The following GRSF1 variants were observed in gnomAD, a reference collection of about 807,000 sequenced individuals.
GRSF1 encodes the protein G-rich RNA sequence binding factor 1.
Under a neutral mutation model 51.1 loss-of-function variants are expected in GRSF1, and 50 were observed. The observed-to-expected ratio is 0.98, with a 90% CI of 0.78 to 1.24. GRSF1 has a LOEUF of 1.24. Ranked by LOEUF, GRSF1 falls within the 50% of genes most tolerant of loss-of-function variation. The probability of loss-of-function intolerance (pLI) is 0.00; values close to 1 mark genes in which losing one functional copy is unlikely to be tolerated. For missense variants in GRSF1, 700 were observed against 639.7 expected (o/e 1.09, Z -1.02); for synonymous variants, 293 against 253.3 (o/e 1.16, Z -1.49).
intron 5 of GRSF1, among the ~76,000 whole-genome samples, chr4:70,829,500 A>G (rs1018007478): frequency 6.6e-6 from 1 of 152,096 alleles, no homozygotes; most frequent in Non-Finnish European, 1.5e-5. Context: ...ACAAAAATAC[A>G]AAAATTAGCT....
intron 5 of GRSF1, among the ~76,000 whole-genome samples, chr4:70,829,304 G>T (rs985203549): frequency 6.6e-6 from 1 of 151,442 alleles, no homozygotes; most frequent in Non-Finnish European, 1.5e-5. Context: ...AAACCTTTGA[G>T]CCTGGACAAC....
chr4:70,827,963 C>G lies in GRSF1; in HGVS notation c.1024G>C (p.Ala342Pro). The G allele has an allele frequency of 6.2e-7, 1 of 1,611,586 alleles. No homozygotes were observed. Among genetic ancestry groups the G allele is most frequent in the Non-Finnish European group, 8.5e-7 (1 of 1,177,890 alleles). The change falls in exon 6 of 10, where the codon GCA becomes CCA. Residue 342 changes from alanine to proline, a missense_variant. Coordinates refer to ENST00000254799, the MANE Select transcript of GRSF1 (RefSeq NM_002092.4). ...ATATACTTAGCAGTAGGAAAAGATGCGATTTTCTTTCCCTTATAAGAACCG... is the reference window on the plus strand; with the variant it reads ...ATATACTTAGCAGTAGGAAAAGATGGGATTTTCTTTCCCTTATAAGAACCG... ...HVGSYKGKKI[A>P]SFPTAKYITE...
rs199749671 is a variant in GRSF1, at chr4:70,824,313, A to G, written c.*6T>C. The G allele has an allele frequency of 1.1e-4, 156 of 1,402,716 alleles. No individual in the cohort carries two copies. Among genetic ancestry groups the G allele is most frequent in the Non-Finnish European group, 1.4e-4 (136 of 999,940 alleles). The allele number at this position is 1,402,716 out of a possible 1,614,324, so 86.9% of individuals were successfully genotyped here. A position where few individuals can be genotyped will look rare whatever the true frequency, so the allele number is the denominator to read the frequency against. On this transcript the variant is annotated 3_prime_UTR_variant, in exon 9 of 10. Coordinates refer to ENST00000254799, the MANE Select transcript of GRSF1 (RefSeq NM_002092.4). ...ATTTACCTTATTATCTGGAGCCCCT[A>G]GAGTCTTATTTTCCTTTTGGACATG...
At chr4:70,839,321 G>C in intron 1 of GRSF1, 150 bp downstream of exon 1, 1 of 1,503,134 alleles carries the variant, frequency 6.7e-7, no homozygotes, top group African/African-American at 1.4e-5. Context: ...CCCAATAGGA[G>C]CACAGGGTGG....
chr4:70,821,418 C>T lies in GRSF1; in HGVS notation c.*26-557G>A, dbSNP rs538095108. Among the ~76,000 whole-genome samples, 242 of 118,640 alleles carry T rather than the reference C, an allele frequency of 2.0e-3. 1 individual carries two copies. The highest frequency in any genetic ancestry group is 4.9e-3 in the Admixed American group (47 of 9,570). 77.8% of individuals were successfully genotyped at this position (118,640 alleles called of 152,430 possible). ...CCAACCTGGGCAACGAGAGAAACTC[C>T]GTCTCAAAAAATAAATAAATAAAAA... On this transcript the variant is annotated intron_variant, in intron 9 of 9. Transcript: ENST00000254799.
In GRSF1 at chr4:70,817,893, G is replaced by A. The variant is rs1299657755; in HGVS notation, c.*2994C>T. The A allele has an allele frequency of 2.0e-5, 3 of 152,216 alleles. No individual in the cohort carries two copies. Among genetic ancestry groups the A allele is most frequent in the African/African-American group, 7.2e-5 (3 of 41,452 alleles). 9.4% of individuals were successfully genotyped at this position (152,216 alleles called of 1,614,324 possible). ...TGAACTTGGGGAGTGGGAGGGTAATGTATTTCTAATGCGATAGCGCAATTT... is the reference window on the plus strand; with the variant it reads ...TGAACTTGGGGAGTGGGAGGGTAATATATTTCTAATGCGATAGCGCAATTT... On this transcript the variant is annotated 3_prime_UTR_variant, in exon 10 of 10. Transcript: ENST00000254799.
At chr4:70,833,354 T>C in intron 2 of GRSF1, 81 bp from the exon 3 acceptor site, 1 of 1,221,598 alleles carries the variant, frequency 8.2e-7, no homozygotes, top group Non-Finnish European at 1.2e-6. Context: ...AATGCAGTTT[T>C]CCAACAACAA....
chr4:70,831,980 G>A (rs1414499197), intron 4 of GRSF1, among the ~76,000 whole-genome samples: 1 of 150,534 alleles, frequency 6.6e-6, no homozygotes, highest in Non-Finnish European at 1.5e-5. Flanking sequence ...CACTGCTAAT[G>A]GTTCTAGGAA....
At chr4:70,827,159 GCGCCTGT>G (rs1560596247) in intron 6 of GRSF1, among the ~76,000 whole-genome samples, 1 of 151,846 alleles carries the variant, frequency 6.6e-6, no homozygotes, top group African/African-American at 2.4e-5. Context: ...ACGGTGGCAG[GCGCCTGT>G]AGTCCCAGCT....
chr4:70,822,474 T>C (rs1733556570), intron 9 of GRSF1, among the ~76,000 whole-genome samples: 2 of 151,612 alleles, frequency 1.3e-5, no homozygotes, highest in Non-Finnish European at 2.9e-5. Context: ...TCCTAGCTAC[T>C]TGGGAGGCTG....
intron 1 of GRSF1, chr4:70,839,227 C>T (rs1339651376): frequency 6.9e-7 from 1 of 1,453,188 alleles, no homozygotes; most frequent in Non-Finnish European, 9.1e-7. Context: ...GCCACACTTA[C>T]ACTGCCCAAC....
In GRSF1 at chr4:70,816,908, C is replaced by T. The variant is rs1162497950; in HGVS notation, c.*3979G>A. ...ATCTAAGGGATGGGTATTGGCATCA[C>T]CAAGATTTTATATACTGACAGAAAA... On this transcript the variant is annotated 3_prime_UTR_variant, in exon 10 of 10. Coordinates refer to ENST00000254799, the MANE Select transcript of GRSF1 (RefSeq NM_002092.4). 4 of 152,038 alleles carry T rather than the reference C, an allele frequency of 2.6e-5. No individual in the cohort carries two copies. Among genetic ancestry groups the T allele is most frequent in the Non-Finnish European group, 4.4e-5 (3 of 68,008 alleles). 9.4% of individuals were successfully genotyped at this position (152,038 alleles called of 1,614,324 possible).
chr4:70,838,282 A>T (rs1734303082), intron 1 of GRSF1, among the ~76,000 whole-genome samples: 1 of 151,858 alleles, frequency 6.6e-6, no homozygotes, highest in East Asian at 1.9e-4. Context: ...GCAGTGTCTA[A>T]CACATAGTAG....
rs190598863 is a variant in GRSF1 at position 70,819,428 on chromosome 4, C to G, written c.*1459G>C. On this transcript the variant is annotated 3_prime_UTR_variant, in exon 10 of 10. Coordinates refer to ENST00000254799, the MANE Select transcript of GRSF1 (RefSeq NM_002092.4). ...TTCACAGGATTTTAGAGAACACACA[C>G]ACGAAAATTAACCCTTACTACTTAT... 6.6e-6 allele frequency: 1 copy of G among 152,228 alleles called. No homozygotes were observed. The highest frequency in any genetic ancestry group is 1.5e-5 in the Non-Finnish European group (1 of 68,008). 9.4% of individuals were successfully genotyped at this position (152,228 alleles called of 1,614,324 possible). A position where few individuals can be genotyped will look rare whatever the true frequency, so the allele number is the denominator to read the frequency against.
intron 1 of GRSF1, among the ~76,000 whole-genome samples, chr4:70,837,951 G>A (rs1483328350): frequency 2.0e-5 from 3 of 151,886 alleles, no homozygotes; most frequent in South Asian, 2.1e-4. Flanking sequence ...TTAATGTTAG[G>A]CCGGGCGCGG....
At position 70,827,851 on chromosome 4, in the gene GRSF1, C is replaced by A; in HGVS notation, c.1135+1G>T. 1.9e-6 allele frequency: 3 copies of A among 1,601,778 alleles called. No homozygotes were observed. The highest frequency in any genetic ancestry group is 1.1e-5 in the South Asian group (1 of 90,138). ...AGTCTCAAGAAGAGGCAGGACCTTA[C>A]CTATTTCCTTCTCACTTTCAAAAGC... is the stretch of plus-strand genomic sequence containing the variant. On this transcript the variant is annotated splice_donor_variant, in intron 6 of 9. Coordinates refer to ENST00000254799, the MANE Select transcript of GRSF1 (RefSeq NM_002092.4). LOFTEE classifies it high-confidence loss of function.
intron 2 of GRSF1, among the ~76,000 whole-genome samples, chr4:70,834,258 CA>C (rs200454727): frequency 0.023 from 3,491 of 150,654 alleles, 115 homozygotes; most frequent in East Asian, 0.15. Flanking sequence ...GACTCCATCT[CA>C]AAAAAATTAA....
upstream of GRSF1, chr4:70,839,950 G>T (rs988176816): frequency 8.6e-6 from 7 of 813,936 alleles, no homozygotes; most frequent in Admixed American, 1.6e-4. Context: ...GGCACTGGGT[G>T]GGGGGCCTCC....
Sources: allele counts gnomAD v4.1 joint callset (sites outside exome capture counted in the v4.1 genomes callset), GRCh38; gene constraint gnomAD v4.1.1; transcripts MANE v1.5; gene names NCBI Gene and HGNC (gene_info 2026-07-23, HGNC 2026-07-21).